The following SLIT1 variants were observed in gnomAD, a reference collection of about 807,000 sequenced individuals.
SLIT1 encodes slit guidance ligand 1, also known as slit homolog 1 protein.
Under a neutral mutation model 186.1 loss-of-function variants are expected in SLIT1, and 66 were observed. That is an observed-to-expected ratio of 0.35 (90% CI 0.29 to 0.44). The LOEUF (loss-of-function observed/expected upper bound fraction) is 0.44, where lower values mean the gene tolerates loss of function less well. Ranked by LOEUF, SLIT1 falls within the 20% of genes least tolerant of loss-of-function variation. The pLI, the probability that SLIT1 is intolerant of heterozygous loss-of-function variation, is 1.00. For missense variants in SLIT1, 1,638 were observed against 2,037.4 expected (o/e 0.80, Z 3.77); for synonymous variants, 761 against 833.8 (o/e 0.91, Z 1.50).
At chr10:97,074,316 A>G (rs112420208) in intron 4 of SLIT1, among the ~76,000 whole-genome samples, 3,494 of 152,304 alleles carry the variant, frequency 0.023, 128 homozygotes, top group African/African-American at 0.074. Flanking sequence ...TTTCCCGGCC[A>G]AAACAAGTAG....
chr10:97,021,488 GGCAC>G lies in SLIT1; in HGVS notation c.2583-79_2583-76del. The stretch of plus-strand genomic sequence containing the variant: ...CGCCCACTGGGAACCTAGAGTCCCA[GGCAC>G]TGCACCAGGGGCTGGCAAAAATCTT... On this transcript the variant is annotated intron_variant, in intron 25 of 36. Coordinates refer to ENST00000266058, the MANE Select transcript of SLIT1 (RefSeq NM_003061.3). This position sits in a 1 kb window ranked among gnomAD's most constrained non-coding sequence, Gnocchi z 4.5. 1.4e-6 allele frequency: 2 copies of G among 1,429,694 alleles called. No homozygotes were observed. Among genetic ancestry groups the G allele is most frequent in the Non-Finnish European group, 1.9e-6 (2 of 1,048,712 alleles). The allele number at this position is 1,429,694 out of a possible 1,614,324, so 88.6% of individuals were successfully genotyped here. A position where few individuals can be genotyped will look rare whatever the true frequency, so the allele number is the denominator to read the frequency against.
chr10:97,104,992 G>A (rs4919071), intron 4 of SLIT1, among the ~76,000 whole-genome samples: 43,532 of 147,896 alleles, frequency 0.29, 6,890 homozygotes, highest in African/African-American at 0.43. Flanking sequence ...GCTTAGCCCC[G>A]GTGCTGAGTA....
At chr10:97,088,531 A>G (rs1849192558) in intron 4 of SLIT1, among the ~76,000 whole-genome samples, 1 of 152,196 alleles carries the variant, frequency 6.6e-6, no homozygotes, top group Admixed American at 6.5e-5. Context: ...TTGGGCAGAG[A>G]GGGCTTTGCT....
intron 1 of SLIT1, among the ~76,000 whole-genome samples, chr10:97,167,859 C>T (rs997806247): frequency 1.3e-5 from 2 of 152,180 alleles, no homozygotes; most frequent in African/African-American, 2.4e-5. Context: ...TCCTTGCTCC[C>T]GCCATGTGAA....
At chr10:97,082,794 T>C (rs1849118604) in intron 4 of SLIT1, among the ~76,000 whole-genome samples, 1 of 152,148 alleles carries the variant, frequency 6.6e-6, no homozygotes. Flanking sequence ...GTGTGGGACG[T>C]TAATAGTCAG....
At chr10:97,040,923 C>T (rs1383109198) in intron 20 of SLIT1, among the ~76,000 whole-genome samples, 1 of 152,164 alleles carries the variant, frequency 6.6e-6, no homozygotes, top group Non-Finnish European at 1.5e-5. Flanking sequence ...TTATGCAGGT[C>T]GCCTGTGTGC....
At chr10:97,125,689 A>G (rs1028512759) in intron 4 of SLIT1, among the ~76,000 whole-genome samples, 2 of 151,906 alleles carry the variant, frequency 1.3e-5, no homozygotes, top group African/African-American at 4.8e-5. Flanking sequence ...AAATACAAAA[A>G]TTAGATGGGC....
chr10:97,063,720 T>TTGGCTTGAACACAGCA, intron 7 of SLIT1, 102 bp from the exon 8 acceptor site: 1 of 1,286,328 alleles, frequency 7.8e-7, no homozygotes, highest in Non-Finnish European at 1.1e-6. Flanking sequence ...GGTGCTGTGT[T>TTGGCTTGAACACAGCA]CAAGCCAAAC....
At chr10:97,116,243 G>A (rs1477992853) in intron 4 of SLIT1, among the ~76,000 whole-genome samples, 1 of 152,114 alleles carries the variant, frequency 6.6e-6, no homozygotes, top group Non-Finnish European at 1.5e-5. Flanking sequence ...AGTAGGAGAG[G>A]AGAAAGAGAA....
intron 1 of SLIT1, among the ~76,000 whole-genome samples, chr10:97,169,987 C>T (rs927087946): frequency 2.0e-5 from 3 of 152,256 alleles, no homozygotes; most frequent in African/African-American, 7.2e-5. Flanking sequence ...CCCTTTGTCC[C>T]CTCATCCCAT....
rs147539706 is a variant in SLIT1 at position 97,039,011 on chromosome 10, T to C, written c.2297+977A>G. 4.1e-3 allele frequency among the ~76,000 whole-genome samples: 620 copies of C among 152,262 alleles called. 5 individuals are homozygous for C. Among genetic ancestry groups the C allele is most frequent in the African/African-American group, 0.014 (589 of 41,546 alleles). ...AGAAAGCAAGGACTCATGAGGTTTG[T>C]AGGACACTAACTCTGCAGTAGAAAA... On this transcript the variant is annotated intron_variant, in intron 21 of 36. Transcript: ENST00000266058.
At chr10:97,118,584 A>G (rs986931562) in intron 4 of SLIT1, among the ~76,000 whole-genome samples, 23 of 152,218 alleles carry the variant, frequency 1.5e-4, no homozygotes, top group African/African-American at 5.5e-4. Flanking sequence ...AGGTATGACC[A>G]AACCTGTTCT....
chr10:97,169,526 C>T (rs1360109316), intron 1 of SLIT1, among the ~76,000 whole-genome samples: 9 of 152,234 alleles, frequency 5.9e-5, no homozygotes, highest in Non-Finnish European at 1.0e-4. Context: ...AATGTTGCCA[C>T]GGAGCCCCCT....
chr10:97,156,278 T>C (rs1365614034), intron 4 of SLIT1, among the ~76,000 whole-genome samples: 3 of 152,194 alleles, frequency 2.0e-5, no homozygotes, highest in Non-Finnish European at 4.4e-5. Context: ...TAGAGTTCCA[T>C]TGTAAAGACA....
intron 2 of SLIT1, among the ~76,000 whole-genome samples, chr10:97,163,875 A>T (rs1331468671): frequency 6.6e-6 from 1 of 152,228 alleles, no homozygotes; most frequent in African/African-American, 2.4e-5. Context: ...CTGAAGGCAC[A>T]TGTCCAAGGG....
rs1438057273 is a variant in SLIT1 at position 97,047,966 on chromosome 10, C to G, written c.1489+7G>C. 6.2e-7 allele frequency: 1 copy of G among 1,614,078 alleles called. No individual in the cohort carries two copies. Among genetic ancestry groups the G allele is most frequent in the Non-Finnish European group, 8.5e-7 (1 of 1,180,016 alleles). On this transcript the variant is annotated splice_region_variant and intron_variant, in intron 15 of 36. Transcript: ENST00000266058. ...CAGGCTGGCCTTGGATCCCCCCACTCTCCTACCTGGAATGAAGTACTGCTC... is the reference window on the plus strand; with the variant it reads ...CAGGCTGGCCTTGGATCCCCCCACTGTCCTACCTGGAATGAAGTACTGCTC...
chr10:97,050,483 G>C (rs1848777164), intron 13 of SLIT1, among the ~76,000 whole-genome samples: 1 of 152,270 alleles, frequency 6.6e-6, no homozygotes, highest in East Asian at 1.9e-4. Flanking sequence ...CTGAGTTCTT[G>C]CTCCTCTCAG....
rs192095263 is a variant in SLIT1, at chr10:97,125,666, C to T, written c.413+32152G>A. Among the ~76,000 whole-genome samples the T allele has an allele frequency of 2.0e-4, 31 of 152,080 alleles. No homozygotes were observed. The East Asian group carries it at 5.8e-3, about 28-fold the overall frequency. Reference sequence around the variant, plus strand: ...CCAGCCTGGCCAACATAGCGAAACCCTGTCTCTACTGAAAATACAAAAATT... The same window carrying T: ...CCAGCCTGGCCAACATAGCGAAACCTTGTCTCTACTGAAAATACAAAAATT... On this transcript the variant is annotated intron_variant, in intron 4 of 36. Coordinates refer to ENST00000266058, the MANE Select transcript of SLIT1 (RefSeq NM_003061.3).
At chr10:97,017,229 G>A (rs115132127) in intron 28 of SLIT1, among the ~76,000 whole-genome samples, 1,849 of 152,282 alleles carry the variant, frequency 0.012, 35 homozygotes, top group African/African-American at 0.042. Context: ...CCGAAGCCCC[G>A]AGGAGGCTGG....
Sources: allele counts gnomAD v4.1 joint callset (sites outside exome capture counted in the v4.1 genomes callset), GRCh38; gene constraint gnomAD v4.1.1; non-coding constraint Gnocchi (gnomAD v3.1); transcripts MANE v1.5; gene names NCBI Gene and HGNC (gene_info 2026-07-23, HGNC 2026-07-21).